Variants in FAM53A observed in about 807,000 individuals in gnomAD.
FAM53A encodes family with sequence similarity 53 member A.
In FAM53A, 28 loss-of-function variants were observed where a neutral mutation model predicts 26.6. That is an observed-to-expected ratio of 1.05 (90% confidence interval 0.78 to 1.45). The LOEUF is 1.45. Ranked by LOEUF, FAM53A falls within the 40% of genes most tolerant of loss-of-function variation. The pLI, the probability that FAM53A is intolerant of heterozygous loss-of-function variation, is 0.00. For missense variants in FAM53A, 650 were observed against 575.8 expected (o/e 1.13, Z -1.32); for synonymous variants, 290 against 253.1 (o/e 1.15, Z -1.38).
intron 3 of FAM53A, 78 bp from the exon 4 acceptor site, chr4:1,655,801 C>A: frequency 2.1e-6 from 3 of 1,428,150 alleles, no homozygotes; most frequent in Non-Finnish European, 2.7e-6. Flanking sequence ...CGGCAAACAG[C>A]CTGGCAGAGC....
the FAM53A span, among the ~76,000 whole-genome samples, chr4:1,576,801 G>T: frequency 6.6e-6 from 1 of 152,238 alleles, no homozygotes; most frequent in Non-Finnish European, 1.5e-5. Context: ...GAGGAGAGGG[G>T]CTGTGGCGGA....
chr4:1,680,468 T>C lies in FAM53A; in HGVS notation c.-165+3765A>G, dbSNP rs74858117. Among the ~76,000 whole-genome samples the C allele has an allele frequency of 6.0e-3, 909 of 152,106 alleles. 11 individuals carry two copies. The highest frequency in any genetic ancestry group is 0.021 in the African/African-American group (851 of 41,462). On this transcript the variant is annotated intron_variant, in intron 1 of 4. Transcript: ENST00000308132. ...TGTGTACATGATCCAGCAATCCTGC[T>C]CCTTGGTATTCACCCAAAGGAACTA...
the FAM53A span, among the ~76,000 whole-genome samples, chr4:1,590,108 T>C: frequency 6.6e-6 from 1 of 152,234 alleles, no homozygotes; most frequent in Non-Finnish European, 1.5e-5. Context: ...TGTTGTATAA[T>C]TTCTTTATGA....
chr4:1,645,868 C>CGTGTCCCT (rs1267730112), intron 4 of FAM53A, among the ~76,000 whole-genome samples: 1 of 152,216 alleles, frequency 6.6e-6, no homozygotes, highest in African/African-American at 2.4e-5. Context: ...ACAGTTTGAA[C>CGTGTCCCT]GTATACCTCC....
the FAM53A span, among the ~76,000 whole-genome samples, chr4:1,603,148 G>A: frequency 1.3e-5 from 2 of 152,222 alleles, no homozygotes; most frequent in Admixed American, 6.5e-5. Context: ...GGGGCGAGCC[G>A]AGTAGCAAGG....
At chr4:1,579,322 C>T in the FAM53A span, among the ~76,000 whole-genome samples, 4 of 151,704 alleles carry the variant, frequency 2.6e-5, no homozygotes, top group Non-Finnish European at 2.9e-5. Context: ...GCTGCGCCCA[C>T]GGCCCTCGTG....
At position 1,675,818 on chromosome 4, in the gene FAM53A, C is replaced by T. The variant is rs531663003; in HGVS notation, c.-164-6913G>A. Reference sequence around the variant, plus strand: ...CTCCAACTCCCCCATCTTCTCCCCTCGCTCCCCAGGATCTGGCCACACCAG... The same window carrying T: ...CTCCAACTCCCCCATCTTCTCCCCTTGCTCCCCAGGATCTGGCCACACCAG... On this transcript the variant is annotated intron_variant, in intron 1 of 4. Coordinates refer to ENST00000308132, the MANE Select transcript of FAM53A (RefSeq NM_001174070.3). 2.2e-3 allele frequency among the ~76,000 whole-genome samples: 334 copies of T among 152,324 alleles called. 3 individuals carry two copies. Among genetic ancestry groups the T allele is most frequent in the African/African-American group, 7.4e-3 (307 of 41,582 alleles).
At chr4:1,684,713 G>C (rs900104808), upstream of FAM53A, among the ~76,000 whole-genome samples, 3 of 151,872 alleles carry the variant, frequency 2.0e-5, no homozygotes, top group Admixed American at 2.0e-4. Flanking sequence ...GCGCGGTCTC[G>C]GGGCCCGAGG....
chr4:1,679,386 C>CAAA (rs34354638), intron 1 of FAM53A, among the ~76,000 whole-genome samples: 7 of 61,182 alleles, frequency 1.1e-4, no homozygotes, highest in African/African-American at 2.0e-4. Context: ...ACCATGTCTC[C>CAAA]AAAAAAAAAA....
downstream of FAM53A, among the ~76,000 whole-genome samples, chr4:1,614,018 A>C (rs1714717596): frequency 6.6e-6 from 1 of 152,188 alleles, no homozygotes. Context: ...GATTCTCAGG[A>C]GGAGGGTGCC....
intron 1 of FAM53A, among the ~76,000 whole-genome samples, chr4:1,682,027 C>T (rs924460664): frequency 1.6e-4 from 24 of 152,078 alleles, no homozygotes; most frequent in African/African-American, 3.1e-4. Context: ...GACAAGTAAC[C>T]GCCTCTCCAG....
At chr4:1,638,730 C>T (rs187672576), downstream of FAM53A, among the ~76,000 whole-genome samples, 10 of 151,936 alleles carry the variant, frequency 6.6e-5, no homozygotes, top group East Asian at 1.9e-3. Flanking sequence ...CCCACATCCC[C>T]TCGCTCCCAC....
At chr4:1,587,162 A>G in the FAM53A span, among the ~76,000 whole-genome samples, 1 of 152,210 alleles carries the variant, frequency 6.6e-6, no homozygotes, top group Non-Finnish European at 1.5e-5. Context: ...TGGGCAGTTT[A>G]TAACCATTTT....
downstream of FAM53A, among the ~76,000 whole-genome samples, chr4:1,613,985 GAAGT>G (rs1397500081): frequency 6.6e-6 from 1 of 152,228 alleles, no homozygotes; most frequent in African/African-American, 2.4e-5. Context: ...CCCCGAAGAA[GAAGT>G]GAGCACCAAA....
At chr4:1,656,537 A>C (rs1483762943) in intron 3 of FAM53A, among the ~76,000 whole-genome samples, 1 of 151,914 alleles carries the variant, frequency 6.6e-6, no homozygotes, top group Non-Finnish European at 1.5e-5. Flanking sequence ...GTAGGCAGGG[A>C]GAGCGGCCGG....
the FAM53A span, among the ~76,000 whole-genome samples, chr4:1,602,674 C>T: frequency 1.3e-5 from 2 of 152,236 alleles, no homozygotes; most frequent in African/African-American, 2.4e-5. Context: ...CGCGCGCCCC[C>T]TCCCCGCCAG....
chr4:1,584,704 T>C, the FAM53A span, among the ~76,000 whole-genome samples: 4 of 152,232 alleles, frequency 2.6e-5, no homozygotes, highest in Non-Finnish European at 5.9e-5. Context: ...AATGCTTACA[T>C]GTGGCCCCTC....
downstream of FAM53A, among the ~76,000 whole-genome samples, chr4:1,638,186 C>T (rs1394682074): frequency 2.0e-5 from 3 of 151,812 alleles, no homozygotes; most frequent in African/African-American, 7.3e-5. Flanking sequence ...TCAAATGCCC[C>T]TGGTGAGGGT....
chr4:1,607,453 C>G, the FAM53A span, among the ~76,000 whole-genome samples: 1 of 152,086 alleles, frequency 6.6e-6, no homozygotes, highest in East Asian at 1.9e-4. Flanking sequence ...TGCCATTCAC[C>G]CACGGCCTTC....
Sources: allele counts gnomAD v4.1 joint callset (sites outside exome capture counted in the v4.1 genomes callset), GRCh38; gene constraint gnomAD v4.1.1; transcripts MANE v1.5; gene names NCBI Gene and HGNC (gene_info 2026-07-23, HGNC 2026-07-21).